The following CELSR3 variants were observed in gnomAD, a reference collection of about 807,000 sequenced individuals.
CELSR3 encodes the protein EGF-like protein 1.
A neutral mutation model predicts 270.0 loss-of-function variants in CELSR3; 73 were observed. The ratio of observed to expected loss-of-function variants is 0.27; its 90% CI spans 0.22 to 0.33. The LOEUF (loss-of-function observed/expected upper bound fraction) is 0.33, where lower values mean the gene tolerates loss of function less well. Ranked by LOEUF, CELSR3 falls within the 10% of genes least tolerant of loss-of-function variation. The pLI, the probability that CELSR3 is intolerant of heterozygous loss-of-function variation, is 1.00. For missense variants in CELSR3, 3,614 were observed against 4,533.8 expected (o/e 0.80, Z 5.83); for synonymous variants, 1,780 against 1,905.4 (o/e 0.93, Z 1.71).
In CELSR3 at chr3:48,642,419, G is replaced by C. The variant is rs545323386; in HGVS notation, c.8604C>G (p.His2868Gln). The C allele has an allele frequency of 6.2e-7, 1 of 1,613,268 alleles. No individual in the cohort carries two copies. The highest frequency in any genetic ancestry group is 1.1e-5 in the South Asian group (1 of 91,082). The change falls in exon 31 of 35, where the codon CAC becomes CAG. Residue 2868 changes from histidine to glutamine, a missense_variant. Physicochemically the swap from His to Gln is conservative, Grantham distance 24. Transcript: ENST00000164024. This position sits in a 1 kb window ranked among gnomAD's most constrained non-coding sequence, Gnocchi z 6.1. ...RHGSAADHTD[H>Q]SLQAHAGPTD... Reference sequence around the variant, plus strand: ...TGGGGCCAGCATGAGCCTGGAGGCTGTGGTCAGTGTGGTCAGCGGCTGAGC... The same window carrying C: ...TGGGGCCAGCATGAGCCTGGAGGCTCTGGTCAGTGTGGTCAGCGGCTGAGC...
chr3:48,659,554 C>T lies in CELSR3; in HGVS notation c.3081G>A (p.Arg1027=), dbSNP rs1179140918. 1.2e-6 allele frequency: 2 copies of T among 1,614,212 alleles called. No homozygotes were observed. Among genetic ancestry groups the T allele is most frequent in the South Asian group, 2.2e-5 (2 of 91,088 alleles). ...TCAACTCATACACTGATACTGCCTC[C>T]CGGTCTAGCCGCCTTACTGTACGGA... The part of the protein sequence containing the change: ...GIVRTVRRLD[R]EAVSVYELTA... The change falls in exon 1 of 35, where the codon CGG becomes CGA. Residue 1027 remains arginine, a synonymous_variant. Coordinates refer to ENST00000164024, the MANE Select transcript of CELSR3 (RefSeq NM_001407.3). This position sits in a 1 kb window ranked among gnomAD's most constrained non-coding sequence, Gnocchi z 8.1.
In CELSR3 at chr3:48,646,281, T is replaced by C; in HGVS notation, c.7296-24A>G. 6.3e-7 allele frequency: 1 copy of C among 1,597,516 alleles called. No homozygotes were observed. Among genetic ancestry groups the C allele is most frequent in the Non-Finnish European group, 8.5e-7 (1 of 1,170,130 alleles). On this transcript the variant is annotated intron_variant, in intron 21 of 34. Coordinates refer to ENST00000164024, the MANE Select transcript of CELSR3 (RefSeq NM_001407.3). This position sits in a 1 kb window ranked among gnomAD's most constrained non-coding sequence, Gnocchi z 4.8. ...GCCTGGGGAGACACCCATCTGGGCTTACGCACTGCTGACCTCCCCATGCTC... is the reference window on the plus strand; with the variant it reads ...GCCTGGGGAGACACCCATCTGGGCTCACGCACTGCTGACCTCCCCATGCTC...
chr3:48,656,475 C>A (rs1258580116), intron 2 of CELSR3, 110 bp from the exon 3 acceptor site: 3 of 1,180,496 alleles, frequency 2.5e-6, no homozygotes, highest in Non-Finnish European at 3.4e-6. Flanking sequence ...CGAAAGGTCG[C>A]CCTCTTCGGT....
rs1286759268 is a variant in CELSR3, at chr3:48,646,876, G to A, written c.7182C>T (p.Pro2394=). 1 of 1,588,014 alleles carries A rather than the reference G, an allele frequency of 6.3e-7. No homozygotes were observed. Among genetic ancestry groups the A allele is most frequent in the Non-Finnish European group, 8.5e-7 (1 of 1,170,808 alleles). The stretch of plus-strand genomic sequence containing the variant: ...GCTCTGGCTCTGGCGGGGCTGGTGG[G>A]GGGACCACACTTGAGGTGGTGGAGT... ...IENSTTSSVV[P]PPAPPEPEPG... Residue 2394 remains proline, a synonymous_variant, in exon 21 of 35, where the codon CCC becomes CCT. Coordinates refer to ENST00000164024, the MANE Select transcript of CELSR3 (RefSeq NM_001407.3). This position sits in a 1 kb window ranked among gnomAD's most constrained non-coding sequence, Gnocchi z 4.8.
At chr3:48,647,009 C>T in intron 20 of CELSR3, 81 bp from the exon 21 acceptor site, 1 of 1,336,382 alleles carries the variant, frequency 7.5e-7, no homozygotes, top group South Asian at 1.5e-5. Flanking sequence ...CCCGATCAAG[C>T]ATGGGGGTCT....
Position 48,644,664 on chromosome 3 carries a change from C to T in CELSR3, c.8085+52G>A. ...CTCAGCTGAGTCCACTGCACCTCCTCCCCCAATGAGGGAGGGAAGTACAGA... is the reference window on the plus strand; with the variant it reads ...CTCAGCTGAGTCCACTGCACCTCCTTCCCCAATGAGGGAGGGAAGTACAGA... On this transcript the variant is annotated intron_variant, in intron 26 of 34. Coordinates refer to ENST00000164024, the MANE Select transcript of CELSR3 (RefSeq NM_001407.3). The surrounding 1 kb of genome is among the most constrained non-coding windows in gnomAD (Gnocchi z 4.8). 5.6e-6 allele frequency: 8 copies of T among 1,432,164 alleles called. No homozygotes were observed. Among genetic ancestry groups the T allele is most frequent in the Non-Finnish European group, 7.8e-6 (8 of 1,019,200 alleles). The allele number at this position is 1,432,164 out of a possible 1,614,324, so 88.7% of individuals were successfully genotyped here.
chr3:48,643,366 A>G, intron 28 of CELSR3, 188 bp downstream of exon 28: 1 of 802,332 alleles, frequency 1.2e-6, no homozygotes, highest in East Asian at 2.7e-5. Context: ...ATCAGTGCCT[A>G]AGTTAGAGTC....
rs573761768 is a variant in CELSR3 at position 48,642,157 on chromosome 3, G to C, written c.8666-148C>G. The stretch of plus-strand genomic sequence containing the variant: ...TTGAAGTGGAGGTAGCAGCAGAAGG[G>C]CTGGGACTTATCAGAGGGAAGGACG... On this transcript the variant is annotated intron_variant, in intron 31 of 34. Coordinates refer to ENST00000164024, the MANE Select transcript of CELSR3 (RefSeq NM_001407.3). This position sits in a 1 kb window ranked among gnomAD's most constrained non-coding sequence, Gnocchi z 6.1. 2.2e-6 allele frequency: 2 copies of C among 890,274 alleles called. No homozygotes were observed. The highest frequency in any genetic ancestry group is 3.4e-5 in the African/African-American group (2 of 59,048). 55.1% of individuals were successfully genotyped at this position (890,274 alleles called of 1,614,324 possible). A position where few individuals can be genotyped will look rare whatever the true frequency, so the allele number is the denominator to read the frequency against.
rs2047046807 is a variant in CELSR3 at position 48,643,277 on chromosome 3, T to A, written c.8290-194A>T. 3 of 624,076 alleles carry A rather than the reference T, an allele frequency of 4.8e-6. No homozygotes were observed. In the East Asian group the frequency reaches 8.3e-5, roughly 17 times the overall value. 38.7% of individuals were successfully genotyped at this position (624,076 alleles called of 1,614,324 possible). A position where few individuals can be genotyped will look rare whatever the true frequency, so the allele number is the denominator to read the frequency against. On this transcript the variant is annotated intron_variant, in intron 28 of 34. Transcript: ENST00000164024. ...GAGCAGCAGGAGTGGCTGGAGTCTG[T>A]AAGGTCGGTGTGGATCAGCAAGGGG... is the stretch of plus-strand genomic sequence containing the variant.
At position 48,653,278 on chromosome 3, in the gene CELSR3, CAG is replaced by C; in HGVS notation, c.5449-93_5449-92del. 2 of 1,217,794 alleles carry C rather than the reference CAG, an allele frequency of 1.6e-6. No individual in the cohort carries two copies. Among genetic ancestry groups the C allele is most frequent in the Non-Finnish European group, 2.3e-6 (2 of 851,764 alleles). 75.4% of individuals were successfully genotyped at this position (1,217,794 alleles called of 1,614,324 possible). On this transcript the variant is annotated intron_variant, in intron 9 of 34. Transcript: ENST00000164024. The surrounding 1 kb of genome is among the most constrained non-coding windows in gnomAD (Gnocchi z 6.5). The stretch of plus-strand genomic sequence containing the variant: ...CAGAGGGCTCAGAGGTCAGGAATAT[CAG>C]AGGTCAGAACAGTGGGGTCAAGGTT...
rs759985109 is a variant in CELSR3, at chr3:48,639,916, CA to C, written c.9668del (p.Leu3223ArgfsTer101). ...TGACCGAGTCCTCCCTAGCTCTGAG[CA>C]GCTGCGGGAGTGGCCCAAGGGCTTC... ...SREALGPLPQ[L>X]LRAREDSVSG... is the part of the protein sequence containing the mutation. On this transcript the variant is annotated frameshift_variant, in exon 34 of 35. Coordinates refer to ENST00000164024, the MANE Select transcript of CELSR3 (RefSeq NM_001407.3). LOFTEE classifies it high-confidence loss of function. This position sits in a 1 kb window ranked among gnomAD's most constrained non-coding sequence, Gnocchi z 4.1. 1 of 1,613,080 alleles carries C rather than the reference CA, an allele frequency of 6.2e-7. No individual in the cohort carries two copies. The highest frequency in any genetic ancestry group is 8.5e-7 in the Non-Finnish European group (1 of 1,179,998).
Position 48,638,194 on chromosome 3 carries a change from C to T in CELSR3, c.*11G>A, listed in dbSNP as rs757246976. The T allele has an allele frequency of 2.5e-6, 4 of 1,611,722 alleles. No homozygotes were observed. Among genetic ancestry groups the T allele is most frequent in the Non-Finnish European group, 3.4e-6 (4 of 1,178,108 alleles). On this transcript the variant is annotated 3_prime_UTR_variant, in exon 35 of 35. Transcript: ENST00000164024. The stretch of plus-strand genomic sequence containing the variant: ...CGCCCTCAGCTGTTCCTCGTCCACG[C>T]CGTCATCCCCTCAGGAGTGACCCTC...
chr3:48,662,220 C>T lies in CELSR3; in HGVS notation c.415G>A (p.Val139Ile), dbSNP rs1443390793. 2 of 1,613,108 alleles carry T rather than the reference C, an allele frequency of 1.2e-6. No individual in the cohort carries two copies. The highest frequency in any genetic ancestry group is 8.5e-7 in the Non-Finnish European group (1 of 1,180,006). The change falls in exon 1 of 35, where the codon GTC (valine) becomes ATC (isoleucine). Residue 139 changes from valine (V) to isoleucine (I), a missense_variant. Physicochemically the swap from Val to Ile is conservative, Grantham distance 29 (BLOSUM62 3). Transcript: ENST00000164024. The surrounding 1 kb of genome is among the most constrained non-coding windows in gnomAD (Gnocchi z 7.1). ...GGTCCTGTCCGCCCGCAAGAGGAGA[C>T]CTCTGGGCGCCAGTATAACACAGAC... ...PGSVLYWRPE[V>I]SSCGRTGPLQ...
chr3:48,650,128 C>T lies in CELSR3; in HGVS notation c.6472+352G>A, dbSNP rs762562577. On this transcript the variant is annotated intron_variant, in intron 16 of 34. Coordinates refer to ENST00000164024, the MANE Select transcript of CELSR3 (RefSeq NM_001407.3). The surrounding 1 kb of genome is among the most constrained non-coding windows in gnomAD (Gnocchi z 5.1). ...GGATCTCAGGCATCAGAGAAGGGCC[C>T]CTGGGGTACTCAGATAGCCAGAAGG... is the stretch of plus-strand genomic sequence containing the variant. 3 of 460,548 alleles carry T rather than the reference C, an allele frequency of 6.5e-6. No individual in the cohort carries two copies. The highest frequency in any genetic ancestry group is 5.2e-4 in the Middle Eastern group (1 of 1,922). 28.5% of individuals were successfully genotyped at this position (460,548 alleles called of 1,614,324 possible). A position where few individuals can be genotyped will look rare whatever the true frequency, so the allele number is the denominator to read the frequency against.
In CELSR3 at chr3:48,644,355, G is replaced by A; in HGVS notation, c.8086-60C>T. 3 of 1,312,880 alleles carry A rather than the reference G, an allele frequency of 2.3e-6. No homozygotes were observed. Among genetic ancestry groups the A allele is most frequent in the Non-Finnish European group, 3.3e-6 (3 of 913,634 alleles). 81.3% of individuals were successfully genotyped at this position (1,312,880 alleles called of 1,614,324 possible). ...GGCAGAGAGAGAGAGAGAGAGAGAG[G>A]CAATGAGAGACAGAGAGAGACTAAG... is the stretch of plus-strand genomic sequence containing the variant. On this transcript the variant is annotated intron_variant, in intron 26 of 34. Coordinates refer to ENST00000164024, the MANE Select transcript of CELSR3 (RefSeq NM_001407.3). This position sits in a 1 kb window ranked among gnomAD's most constrained non-coding sequence, Gnocchi z 4.8.
chr3:48,660,042 C>T lies in CELSR3; in HGVS notation c.2593G>A (p.Val865Met). 3.1e-6 allele frequency: 5 copies of T among 1,614,234 alleles called. No individual in the cohort carries two copies. Among genetic ancestry groups the T allele is most frequent in the Non-Finnish European group, 4.2e-6 (5 of 1,180,048 alleles). The stretch of plus-strand genomic sequence containing the variant: ...ATTGGCCGATCTTCATTCACACTCA[C>T]TGAGTAGTGGGCACTTTGAAAGACC... ...RPVFQSAHYSVSVNEDRPMGS... is the reference protein window; with the variant it reads ...RPVFQSAHYSMSVNEDRPMGS... The change falls in exon 1 of 35, where the codon GTG (valine) becomes ATG (methionine). Residue 865 changes from valine to methionine, a missense_variant. Coordinates refer to ENST00000164024, the MANE Select transcript of CELSR3 (RefSeq NM_001407.3). The surrounding 1 kb of genome is among the most constrained non-coding windows in gnomAD (Gnocchi z 5.5).
chr3:48,652,936 G>T lies in CELSR3; in HGVS notation c.5634+66C>A. The T allele has an allele frequency of 2.3e-6, 3 of 1,330,142 alleles. No individual in the cohort carries two copies. The highest frequency in any genetic ancestry group is 3.2e-6 in the Non-Finnish European group (3 of 935,370). 82.4% of individuals were successfully genotyped at this position (1,330,142 alleles called of 1,614,324 possible). On this transcript the variant is annotated intron_variant, in intron 10 of 34. Transcript: ENST00000164024. This position sits in a 1 kb window ranked among gnomAD's most constrained non-coding sequence, Gnocchi z 4.3. ...AACTGAGAGGAGCTGGACTAGAGGT[G>T]GGGTCAAATAAGGCGGATCTGGTTG...
chr3:48,643,500 C>A, intron 28 of CELSR3, 54 bp downstream of exon 28: 1 of 1,535,200 alleles, frequency 6.5e-7, no homozygotes, highest in South Asian at 1.2e-5. Context: ...GGGATGGCCC[C>A]AGCCTACTGA....
rs2077043627 is a variant in CELSR3 at position 48,658,746 on chromosome 3, T to C, written c.3748+141A>G. ...GAGTCCTTGTGAGGTCTGTGGCAGATCTTGTAGGGTGCAGGAACCCTACCC... is the reference window on the plus strand; with the variant it reads ...GAGTCCTTGTGAGGTCTGTGGCAGACCTTGTAGGGTGCAGGAACCCTACCC... On this transcript the variant is annotated intron_variant, in intron 1 of 34. Coordinates refer to ENST00000164024, the MANE Select transcript of CELSR3 (RefSeq NM_001407.3). This position sits in a 1 kb window ranked among gnomAD's most constrained non-coding sequence, Gnocchi z 4.7. 1.8e-5 allele frequency: 17 copies of C among 951,220 alleles called. No homozygotes were observed. Among genetic ancestry groups the C allele is most frequent in the Non-Finnish European group, 2.5e-5 (16 of 642,494 alleles). The allele number at this position is 951,220 out of a possible 1,614,324, so 58.9% of individuals were successfully genotyped here. A position where few individuals can be genotyped will look rare whatever the true frequency, so the allele number is the denominator to read the frequency against.
Sources: allele counts gnomAD v4.1 joint callset, GRCh38; gene constraint gnomAD v4.1.1; non-coding constraint Gnocchi (gnomAD v3.1); transcripts MANE v1.5; gene names NCBI Gene and HGNC (gene_info 2026-07-23, HGNC 2026-07-21).